The following ERF variants were observed in gnomAD, a reference collection of about 807,000 sequenced individuals.
The protein encoded by ERF is ETS2 repressor factor, also known as ETS domain-containing transcription factor ERF.
Under a neutral mutation model 41.6 loss-of-function variants are expected in ERF, and 10 were observed. The ratio of observed to expected loss-of-function variants is 0.24; its 90% CI spans 0.15 to 0.41. The LOEUF (loss-of-function observed/expected upper bound fraction) is 0.41. ERF is among the 10% of genes least tolerant of loss of function. The pLI is 1.00. For synonymous variants in ERF, 395 were observed against 342.4 expected, an observed-to-expected ratio of 1.15 and a Z score of -1.70; for missense variants, 621 against 763.2, an observed-to-expected ratio of 0.81 and a Z score of 2.19.
Position 42,249,288 on chromosome 19 carries a change from A to G in ERF, c.824T>C (p.Leu275Pro), listed in dbSNP as rs756557668. The G allele has an allele frequency of 2.5e-5, 40 of 1,603,870 alleles. No individual in the cohort carries two copies. The Middle Eastern group carries it at 9.9e-4, about 40-fold the overall frequency. ...CAGCGTGGGCGAGGGAGTGTAGGCCAGGTGGGTGGGCGTCATGGGCAGAGC... is the reference window on the plus strand; with the variant it reads ...CAGCGTGGGCGAGGGAGTGTAGGCCGGGTGGGTGGGCGTCATGGGCAGAGC... ...SPALPMTPTH[L>P]AYTPSPTLSP... Residue 275 changes from leucine (L) to proline (P), a missense_variant, in exon 4 of 4, where the codon CTG (leucine) becomes CCG (proline). Transcript: ENST00000222329. This position sits in a 1 kb window ranked among gnomAD's most constrained non-coding sequence, Gnocchi z 8.6.
intron 1 of ERF, chr19:42,253,941 T>C: frequency 1.9e-6 from 2 of 1,026,514 alleles, no homozygotes; most frequent in South Asian, 3.1e-5. Flanking sequence ...CCCTCCCCCG[T>C]CCCCGCCCCG....
Position 42,248,435 on chromosome 19 carries a change from C to T in ERF, c.*30G>A, listed in dbSNP as rs2146947113. 2 of 1,449,628 alleles carry T rather than the reference C, an allele frequency of 1.4e-6. No homozygotes were observed. Among genetic ancestry groups the T allele is most frequent in the Non-Finnish European group, 1.8e-6 (2 of 1,101,200 alleles). The allele number at this position is 1,449,628 out of a possible 1,614,324, so 89.8% of individuals were successfully genotyped here. On this transcript the variant is annotated 3_prime_UTR_variant, in exon 4 of 4. Coordinates refer to ENST00000222329, the MANE Select transcript of ERF (RefSeq NM_006494.4). This position sits in a 1 kb window ranked among gnomAD's most constrained non-coding sequence, Gnocchi z 4.2. ...GGCAGCAAAAGAAGCATGGGGGGTG[C>T]GGGGCACACAGGTCCCCTGCCCACA...
In ERF at chr19:42,248,396, C is replaced by A; in HGVS notation, c.*69G>T. 7.3e-7 allele frequency: 1 copy of A among 1,363,224 alleles called. No homozygotes were observed. The allele number at this position is 1,363,224 out of a possible 1,614,324, so 84.4% of individuals were successfully genotyped here. A position where few individuals can be genotyped will look rare whatever the true frequency, so the allele number is the denominator to read the frequency against. On this transcript the variant is annotated 3_prime_UTR_variant, in exon 4 of 4. Coordinates refer to ENST00000222329, the MANE Select transcript of ERF (RefSeq NM_006494.4). This position sits in a 1 kb window ranked among gnomAD's most constrained non-coding sequence, Gnocchi z 4.2. Reference sequence around the variant, plus strand: ...AAGAGAGCTGCCCTCACCTCCAGGGCATAGGGGGCTTAAGGCAGCAAAAGA... The same window carrying A: ...AAGAGAGCTGCCCTCACCTCCAGGGAATAGGGGGCTTAAGGCAGCAAAAGA...
intron 1 of ERF, chr19:42,251,427 A>G (rs1279866783): frequency 5.0e-6 from 2 of 403,354 alleles, no homozygotes; most frequent in Non-Finnish European, 5.5e-6. Flanking sequence ...TGGTCTCTGG[A>G]GGGGGTGGGC....
chr19:42,249,308 C>T lies in ERF; in HGVS notation c.804G>A (p.Leu268=), dbSNP rs754873708. The T allele has an allele frequency of 8.2e-6, 13 of 1,594,780 alleles. No individual in the cohort carries two copies. In the South Asian group the frequency reaches 1.5e-4, roughly 18 times the overall value. Residue 268 remains leucine (L), a synonymous_variant, in exon 4 of 4, where the codon CTG becomes CTA. Transcript: ENST00000222329. This position sits in a 1 kb window ranked among gnomAD's most constrained non-coding sequence, Gnocchi z 8.6. ...AGGCCAGGTGGGTGGGCGTCATGGG[C>T]AGAGCCGGGGAGAGCTGAGGGGGCA... ...SLLPPQLSPA[L]PMTPTHLAYT...
At chr19:42,254,450 G>C (rs1382948736) in intron 1 of ERF, 3 of 152,966 alleles carry the variant, frequency 2.0e-5, no homozygotes, top group Non-Finnish European at 4.4e-5. Flanking sequence ...GAGGCGGGCG[G>C]GGGAGGGGCG....
At chr19:42,251,580 G>T in intron 1 of ERF, 1 of 167,130 alleles carries the variant, frequency 6.0e-6, no homozygotes, top group Non-Finnish European at 1.2e-5. Context: ...GAGTGGGGAG[G>T]CAGAGCAGGG....
At position 42,249,431 on chromosome 19, in the gene ERF, A is replaced by G. The variant is rs1331142141; in HGVS notation, c.681T>C (p.His227=). The G allele has an allele frequency of 6.3e-7, 1 of 1,592,948 alleles. No individual in the cohort carries two copies. The highest frequency in any genetic ancestry group is 8.5e-7 in the Non-Finnish European group (1 of 1,170,130). ...GATAGACTCGGAAGACACCAGGGTC[A>G]TGGGGCAGGCGGGCCAGCGGGGGCC... ...FRGPPLARLP[H]DPGVFRVYPR... The change falls in exon 4 of 4, where the codon CAT becomes CAC. Residue 227 remains histidine, a synonymous_variant. Coordinates refer to ENST00000222329, the MANE Select transcript of ERF (RefSeq NM_006494.4). This position sits in a 1 kb window ranked among gnomAD's most constrained non-coding sequence, Gnocchi z 8.6.
At chr19:42,253,363 G>A (rs1036910928) in intron 1 of ERF, among the ~76,000 whole-genome samples, 2 of 152,156 alleles carry the variant, frequency 1.3e-5, no homozygotes, top group African/African-American at 4.8e-5. Flanking sequence ...AGGCCAGGAG[G>A]CAGACGGGAA....
In ERF at chr19:42,248,476, G is replaced by A. The variant is rs764412749; in HGVS notation, c.1636C>T (p.Arg546Ter). 5 of 1,498,332 alleles carry A rather than the reference G, an allele frequency of 3.3e-6. No homozygotes were observed. The highest frequency in any genetic ancestry group is 2.3e-5 in the East Asian group (1 of 43,124). The allele number at this position is 1,498,332 out of a possible 1,614,324, so 92.8% of individuals were successfully genotyped here. Residue 546 changes from arginine to a stop codon, truncating the protein, a stop_gained, in exon 4 of 4, where the codon CGA (arginine) becomes TGA (stop). Transcript: ENST00000222329. LOFTEE classifies it high-confidence loss of function. This position sits in a 1 kb window ranked among gnomAD's most constrained non-coding sequence, Gnocchi z 4.2. The part of the protein sequence containing the change: ...HATAQLSLEH[R>*]DS ...CCTGCCCACAGCCCTCAGGAGTCTC[G>A]GTGCTCCAGGGAGAGCTGGGCCGTG...
In ERF at chr19:42,249,215, T is replaced by C; in HGVS notation, c.897A>G (p.Gly299=). The change falls in exon 4 of 4, where the codon GGA becomes GGG. Residue 299 remains glycine, a synonymous_variant. Coordinates refer to ENST00000222329, the MANE Select transcript of ERF (RefSeq NM_006494.4). This position sits in a 1 kb window ranked among gnomAD's most constrained non-coding sequence, Gnocchi z 8.6. ...CAGGGCTGAAGGAGAAGTGGGAGCCTCCCCCTGAGCCGCTGGGCCCCCCGC... is the reference window on the plus strand; with the variant it reads ...CAGGGCTGAAGGAGAAGTGGGAGCCCCCCCCTGAGCCGCTGGGCCCCCCGC... ...SGGGGPSGSG[G]GSHFSFSPED... is the part of the protein sequence containing the mutation. 1.2e-6 allele frequency: 2 copies of C among 1,612,732 alleles called. No individual in the cohort carries two copies. The highest frequency in any genetic ancestry group is 1.7e-6 in the Non-Finnish European group (2 of 1,179,520).
In ERF at chr19:42,247,629, C is replaced by G. The variant is rs564034587; in HGVS notation, c.*836G>C. On this transcript the variant is annotated 3_prime_UTR_variant, in exon 4 of 4. Transcript: ENST00000222329. ...TCTCCAGCGGCCCCTCTACTCCCCC[C>G]ACCCTCAGTCCCCAATACAGAATAA... is the stretch of plus-strand genomic sequence containing the variant. 3 of 152,628 alleles carry G rather than the reference C, an allele frequency of 2.0e-5. No homozygotes were observed. The highest frequency in any genetic ancestry group is 7.2e-5 in the African/African-American group (3 of 41,442). The allele number at this position is 152,628 out of a possible 1,614,324, so 9.5% of individuals were successfully genotyped here.
chr19:42,251,375 C>A, intron 1 of ERF: 1 of 985,316 alleles, frequency 1.0e-6, no homozygotes, highest in Non-Finnish European at 1.2e-6. Flanking sequence ...TGCCTGCCCA[C>A]CCCCAGCATT....
At chr19:42,254,674 G>GTGGAA (rs1202487942) in intron 1 of ERF, 1 of 295,080 alleles carries the variant, frequency 3.4e-6, no homozygotes, top group Admixed American at 5.4e-5. Flanking sequence ...CAAGAGCGGA[G>GTGGAA]GGGAAGGACC....
Position 42,248,434 on chromosome 19 carries a change from G to A in ERF, c.*31C>T. On this transcript the variant is annotated 3_prime_UTR_variant, in exon 4 of 4. Coordinates refer to ENST00000222329, the MANE Select transcript of ERF (RefSeq NM_006494.4). This position sits in a 1 kb window ranked among gnomAD's most constrained non-coding sequence, Gnocchi z 4.2. Reference sequence around the variant, plus strand: ...AGGCAGCAAAAGAAGCATGGGGGGTGCGGGGCACACAGGTCCCCTGCCCAC... The same window carrying A: ...AGGCAGCAAAAGAAGCATGGGGGGTACGGGGCACACAGGTCCCCTGCCCAC... The A allele has an allele frequency of 6.9e-7, 1 of 1,450,646 alleles. No homozygotes were observed. Among genetic ancestry groups the A allele is most frequent in the Non-Finnish European group, 9.1e-7 (1 of 1,101,788 alleles). 89.9% of individuals were successfully genotyped at this position (1,450,646 alleles called of 1,614,324 possible). A position where few individuals can be genotyped will look rare whatever the true frequency, so the allele number is the denominator to read the frequency against.
In ERF at chr19:42,250,037, G is replaced by T. The variant is rs1180900075; in HGVS notation, c.258-95C>A. On this transcript the variant is annotated intron_variant, in intron 2 of 3. Coordinates refer to ENST00000222329, the MANE Select transcript of ERF (RefSeq NM_006494.4). The surrounding 1 kb of genome is among the most constrained non-coding windows in gnomAD (Gnocchi z 5.1). ...ACGCACTTAGGTGTGGTTCCCAAAGGCCAACTGAGGAACGTAGGCCACAAA... is the reference window on the plus strand; with the variant it reads ...ACGCACTTAGGTGTGGTTCCCAAAGTCCAACTGAGGAACGTAGGCCACAAA... The T allele has an allele frequency of 8.2e-7, 1 of 1,214,376 alleles. No homozygotes were observed. The highest frequency in any genetic ancestry group is 1.2e-6 in the Non-Finnish European group (1 of 820,410). The allele number at this position is 1,214,376 out of a possible 1,614,324, so 75.2% of individuals were successfully genotyped here. A position where few individuals can be genotyped will look rare whatever the true frequency, so the allele number is the denominator to read the frequency against.
intron 1 of ERF, chr19:42,253,767 G>GGGGGATGGGGATGGGAATGGGGT: frequency 5.9e-6 from 4 of 676,790 alleles, no homozygotes; most frequent in Non-Finnish European, 7.3e-6. Context: ...CCGCCGAGCA[G>GGGGGATGGGGATGGGAATGGGGT]GGGGATGGGG....
intron 1 of ERF, chr19:42,253,994 C>A (rs2036491326): frequency 1.0e-6 from 1 of 967,226 alleles, no homozygotes; most frequent in Non-Finnish European, 1.2e-6. Flanking sequence ...GCGGCTGGGA[C>A]CCCTCCCCCT....
At position 42,248,553 on chromosome 19, in the gene ERF, TC is replaced by T; in HGVS notation, c.1558del (p.Glu520ArgfsTer11). The T allele has an allele frequency of 6.4e-7, 1 of 1,551,222 alleles. No homozygotes were observed. Among genetic ancestry groups the T allele is most frequent in the South Asian group, 1.2e-5 (1 of 81,950 alleles). ...CCTTGGGGTGAGGGGCCCCCCAGCC[TC>T]CCCAGGCCCCTCCCCACGCACCTTC... is the stretch of plus-strand genomic sequence containing the variant. ...DKKVRGEGPGEAGGPLTPRRV... is the reference protein window; with the variant it reads ...DKKVRGEGPGXAGGPLTPRRV... On this transcript the variant is annotated frameshift_variant, in exon 4 of 4. Coordinates refer to ENST00000222329, the MANE Select transcript of ERF (RefSeq NM_006494.4). LOFTEE classifies it high-confidence loss of function. This position sits in a 1 kb window ranked among gnomAD's most constrained non-coding sequence, Gnocchi z 4.2.
Sources: gnomAD v4.1 joint callset for allele counts (sites outside exome capture counted in the v4.1 genomes callset) on GRCh38, gnomAD v4.1.1 for gene constraint, Gnocchi (gnomAD v3.1) non-coding constraint, MANE v1.5 for transcripts, NCBI Gene and HGNC (gene_info 2026-07-23, HGNC 2026-07-21) for gene names.